Variants in CNTNAP2 observed in about 807,000 individuals in gnomAD.
The protein encoded by CNTNAP2 is contactin associated protein 2, also known as contactin-associated protein-like 2.
A neutral mutation model predicts 155.2 loss-of-function variants in CNTNAP2; 98 were observed. The observed-to-expected ratio is 0.63, with a 90% confidence interval of 0.54 to 0.75. The LOEUF is 0.75. Among genes scored for constraint, CNTNAP2 ranks in the 30% least tolerant of loss-of-function variants. The pLI, the probability that CNTNAP2 is intolerant of heterozygous loss-of-function variation, is 0.00. For missense variants in CNTNAP2, 1,727 were observed against 1,688.1 expected, an observed-to-expected ratio of 1.02 and a Z score of -0.40; for synonymous variants, 651 against 631.2, an observed-to-expected ratio of 1.03 and a Z score of -0.47.
At chr7:147,418,801 C>T (rs776366555) in intron 10 of CNTNAP2, among the ~76,000 whole-genome samples, 6 of 152,108 alleles carry the variant, frequency 3.9e-5, no homozygotes, top group Non-Finnish European at 7.4e-5. Flanking sequence ...AATTTAACAA[C>T]GGTCTACTTT....
intron 13 of CNTNAP2, among the ~76,000 whole-genome samples, chr7:147,744,307 C>G (rs1279034171): frequency 6.6e-6 from 1 of 152,140 alleles, no homozygotes; most frequent in Non-Finnish European, 1.5e-5. Flanking sequence ...AAAATTAATT[C>G]AATAAGCAGA....
In CNTNAP2 at chr7:148,006,228, G is replaced by A. The variant is rs149303229; in HGVS notation, c.2383+28239G>A. On this transcript the variant is annotated intron_variant, in intron 15 of 23. Transcript: ENST00000361727. The stretch of plus-strand genomic sequence containing the variant: ...CTGAAAGCAGGGATATTGGTGTAGC[G>A]AAATAGAGAATATGAAAGAAAAAAC... Among the ~76,000 whole-genome samples, 844 of 151,270 alleles carry A rather than the reference G, an allele frequency of 5.6e-3. 21 individuals carry two copies. The highest frequency in any genetic ancestry group is 0.047 in the Admixed American group (718 of 15,200).
intron 1 of CNTNAP2, among the ~76,000 whole-genome samples, chr7:146,288,089 G>A (rs554259665): frequency 4.6e-5 from 7 of 151,874 alleles, no homozygotes; most frequent in Non-Finnish European, 2.9e-5. Flanking sequence ...CCTAGGTGGA[G>A]GATTGCTTAA....
intron 4 of CNTNAP2, among the ~76,000 whole-genome samples, chr7:147,076,099 C>T (rs1356525457): frequency 6.6e-6 from 1 of 152,122 alleles, no homozygotes; most frequent in Admixed American, 6.6e-5. Context: ...CATACGTGTG[C>T]AAGTGTCTTT....
intron 16 of CNTNAP2, among the ~76,000 whole-genome samples, chr7:148,125,655 CTGTG>C (rs763817928): frequency 0.089 from 12,124 of 136,236 alleles, 622 homozygotes; most frequent in East Asian, 0.24. Context: ...TATTATAAAA[CTGTG>C]TGTGTGTGTG....
At chr7:147,067,905 G>A (rs2159473) in intron 4 of CNTNAP2, among the ~76,000 whole-genome samples, 90,708 of 152,024 alleles carry the variant, frequency 0.6, 28,487 homozygotes, top group East Asian at 0.73. Context: ...TTATGCCTTA[G>A]AACAGACATT....
chr7:146,817,877 A>G (rs1421018359), intron 2 of CNTNAP2, among the ~76,000 whole-genome samples: 1 of 152,200 alleles, frequency 6.6e-6, no homozygotes, highest in Non-Finnish European at 1.5e-5. Context: ...AACCATATCA[A>G]ATACTAAAAT....
chr7:146,825,238 C>T (rs546844562), intron 2 of CNTNAP2, among the ~76,000 whole-genome samples: 1 of 152,138 alleles, frequency 6.6e-6, no homozygotes, highest in African/African-American at 2.4e-5. Context: ...AAAAATCTCC[C>T]CTCTTTATCA....
chr7:147,276,390 A>C (rs1804896560), intron 8 of CNTNAP2, among the ~76,000 whole-genome samples: 1 of 152,008 alleles, frequency 6.6e-6, no homozygotes, highest in Non-Finnish European at 1.5e-5. Context: ...AGAATTGTAA[A>C]ATATACATAT....
At chr7:147,255,798 G>A (rs1382959022) in intron 8 of CNTNAP2, among the ~76,000 whole-genome samples, 5 of 152,034 alleles carry the variant, frequency 3.3e-5, no homozygotes, top group South Asian at 2.1e-4. Context: ...GTACAGTAGT[G>A]CAATCTCCAG....
chr7:147,524,568 G>T (rs1306822277), intron 11 of CNTNAP2, among the ~76,000 whole-genome samples: 1 of 152,206 alleles, frequency 6.6e-6, no homozygotes, highest in Non-Finnish European at 1.5e-5. Flanking sequence ...GAGGAGCGTG[G>T]CTGTCTTCTA....
chr7:147,247,489 C>A (rs1276424767), intron 8 of CNTNAP2, among the ~76,000 whole-genome samples: 1 of 152,180 alleles, frequency 6.6e-6, no homozygotes, highest in African/African-American at 2.4e-5. Context: ...CATTTGAAAA[C>A]ATCTTCTATG....
chr7:146,392,196 C>T (rs1170269202), intron 1 of CNTNAP2, among the ~76,000 whole-genome samples: 1 of 151,850 alleles, frequency 6.6e-6, no homozygotes, highest in Non-Finnish European at 1.5e-5. Context: ...TTTTAAATGT[C>T]ATTAATAATA....
At position 146,404,133 on chromosome 7, in the gene CNTNAP2, A is replaced by AAAAAC. The variant is rs1201717857; in HGVS notation, c.97+287164_97+287165insCAAAA. 4.0e-5 allele frequency among the ~76,000 whole-genome samples: 6 copies of AAAAAC among 150,120 alleles called. No homozygotes were observed. In the East Asian group the frequency reaches 5.8e-4, roughly 15 times the overall value. ...GAGCGAGACTCCGTCTCAAAAAAAA[A>AAAAAC]AAAAAAAAACAAAGAACTTGGCCTC... On this transcript the variant is annotated intron_variant, in intron 1 of 23. Coordinates refer to ENST00000361727, the MANE Select transcript of CNTNAP2 (RefSeq NM_014141.6).
rs781492694 is a variant in CNTNAP2 at position 148,151,946 on chromosome 7, C to T, written c.2773+4237C>T. Reference sequence around the variant, plus strand: ...AAACATCACACCAGCATCCCTGCAACAGCTAAGATATGTGACAGAATGGCC... The same window carrying T: ...AAACATCACACCAGCATCCCTGCAATAGCTAAGATATGTGACAGAATGGCC... On this transcript the variant is annotated intron_variant, in intron 17 of 23. Coordinates refer to ENST00000361727, the MANE Select transcript of CNTNAP2 (RefSeq NM_014141.6). 2.1e-4 allele frequency among the ~76,000 whole-genome samples: 32 copies of T among 152,148 alleles called. 1 individual carries two copies. Among genetic ancestry groups the T allele is most frequent in the South Asian group, 8.3e-4 (4 of 4,826 alleles).
At chr7:146,299,726 C>T (rs116547062) in intron 1 of CNTNAP2, among the ~76,000 whole-genome samples, 4,355 of 151,990 alleles carry the variant, frequency 0.029, 204 homozygotes, top group African/African-American at 0.1. Flanking sequence ...TAGTATATTC[C>T]GCAATTATGG....
intron 8 of CNTNAP2, among the ~76,000 whole-genome samples, chr7:147,178,467 G>C (rs1247377175): frequency 2.6e-5 from 4 of 152,174 alleles, no homozygotes; most frequent in Non-Finnish European, 4.4e-5. Context: ...ACTTTTGCTG[G>C]ACCTCTGACC....
At chr7:147,989,241 G>A (rs925790964) in intron 15 of CNTNAP2, among the ~76,000 whole-genome samples, 11 of 152,190 alleles carry the variant, frequency 7.2e-5, no homozygotes, top group African/African-American at 2.2e-4. Flanking sequence ...ACCTTACATA[G>A]CAGCATGGTG....
At chr7:147,404,542 A>G (rs1012792221) in intron 10 of CNTNAP2, among the ~76,000 whole-genome samples, 3 of 152,140 alleles carry the variant, frequency 2.0e-5, no homozygotes, top group Non-Finnish European at 4.4e-5. Context: ...GCTCTATCTT[A>G]GTTTCTGATA....
Sources: gnomAD v4.1 joint callset for allele counts (sites outside exome capture counted in the v4.1 genomes callset) on GRCh38, gnomAD v4.1.1 for gene constraint, MANE v1.5 for transcripts, NCBI Gene and HGNC (gene_info 2026-07-23, HGNC 2026-07-21) for gene names.